The following MOB3B variants were observed in gnomAD, a reference collection of about 807,000 sequenced individuals.
MOB3B encodes MOB kinase activator 3B, also known as MOB kinase activator-like 2B.
Under a neutral mutation model 18.7 loss-of-function variants are expected in MOB3B, and 7 were observed. The observed-to-expected ratio is 0.37, with a 90% CI of 0.21 to 0.70. MOB3B has a LOEUF of 0.70. Ranked by LOEUF, MOB3B falls within the 30% of genes least tolerant of loss-of-function variation. MOB3B has a pLI of 0.52. For synonymous variants in MOB3B, 111 were observed against 99.9 expected, an observed-to-expected ratio of 1.11 and a Z score of -0.66; for missense variants, 253 against 281.3, an observed-to-expected ratio of 0.90 and a Z score of 0.72.
intron 3 of MOB3B, among the ~76,000 whole-genome samples, chr9:27,347,034 TAAAC>T (rs928973056): frequency 1.6e-4 from 25 of 152,246 alleles, no homozygotes; most frequent in Non-Finnish European, 2.6e-4. Flanking sequence ...CTATTAGAAA[TAAAC>T]AAAGTAAAAG....
intron 3 of MOB3B, among the ~76,000 whole-genome samples, chr9:27,344,895 A>G (rs1249946320): frequency 6.6e-6 from 1 of 152,246 alleles, no homozygotes. Context: ...ATAGGCACAT[A>G]CAATAACAAA....
intron 3 of MOB3B, among the ~76,000 whole-genome samples, chr9:27,352,082 C>A (rs1821112768): frequency 6.6e-6 from 1 of 152,118 alleles, no homozygotes; most frequent in African/African-American, 2.4e-5. Flanking sequence ...CCCATCACAT[C>A]TGCTGGAAAT....
intron 2 of MOB3B, among the ~76,000 whole-genome samples, chr9:27,447,316 C>T (rs1293708366): frequency 6.6e-6 from 1 of 152,208 alleles, no homozygotes; most frequent in East Asian, 1.9e-4. Context: ...CCAAGCTCTA[C>T]TGACCTCCAC....
At chr9:27,505,856 G>A (rs1193571849) in intron 1 of MOB3B, among the ~76,000 whole-genome samples, 1 of 152,128 alleles carries the variant, frequency 6.6e-6, no homozygotes, top group Admixed American at 6.5e-5. Context: ...ATTTCCCGTA[G>A]AGCCATTTTT....
At chr9:27,476,295 T>G (rs929066786) in intron 1 of MOB3B, among the ~76,000 whole-genome samples, 4 of 152,248 alleles carry the variant, frequency 2.6e-5, no homozygotes, top group Non-Finnish European at 4.4e-5. Flanking sequence ...AGGTGTTGGC[T>G]GGGCAATGCT....
chr9:27,381,063 G>A (rs1821571137), intron 2 of MOB3B, among the ~76,000 whole-genome samples: 1 of 152,266 alleles, frequency 6.6e-6, no homozygotes, highest in East Asian at 1.9e-4. Flanking sequence ...AGGCTCCTGA[G>A]CTGACAAGAC....
At chr9:27,434,874 AC>A (rs936922123) in intron 2 of MOB3B, among the ~76,000 whole-genome samples, 13 of 151,996 alleles carry the variant, frequency 8.6e-5, no homozygotes, top group African/African-American at 3.1e-4. Flanking sequence ...AGGAAAAACC[AC>A]CCCAAAACAT....
intron 1 of MOB3B, among the ~76,000 whole-genome samples, chr9:27,476,656 T>G (rs536886565): frequency 4.5e-4 from 69 of 152,342 alleles, no homozygotes; most frequent in African/African-American, 1.5e-3. Context: ...CCAAAACAAC[T>G]GCCTTTGCAA....
At chr9:27,434,258 C>A (rs2131425501) in intron 2 of MOB3B, among the ~76,000 whole-genome samples, 1 of 152,226 alleles carries the variant, frequency 6.6e-6, no homozygotes, top group South Asian at 2.1e-4. Flanking sequence ...GTCTTTCCTG[C>A]CCTTGTCTTA....
intron 1 of MOB3B, among the ~76,000 whole-genome samples, chr9:27,514,290 A>T (rs558735250): frequency 4.7e-5 from 7 of 150,158 alleles, no homozygotes; most frequent in African/African-American, 1.5e-4. Flanking sequence ...CAATTTATGA[A>T]GAAGCTCTTT....
chr9:27,365,006 T>G (rs892790637), intron 2 of MOB3B, among the ~76,000 whole-genome samples: 2 of 152,146 alleles, frequency 1.3e-5, no homozygotes. Flanking sequence ...CTGTAAGTTC[T>G]CTGAACAAAG....
chr9:27,419,466 C>A (rs1822207229), intron 2 of MOB3B, among the ~76,000 whole-genome samples: 1 of 152,086 alleles, frequency 6.6e-6, no homozygotes. Context: ...GCACATACAC[C>A]AATGGAACAG....
At chr9:27,528,303 G>T (rs530672051) in intron 1 of MOB3B, among the ~76,000 whole-genome samples, 103 of 152,302 alleles carry the variant, frequency 6.8e-4, no homozygotes, top group Non-Finnish European at 1.0e-3. Flanking sequence ...CCCTAGCAGC[G>T]GCCCAGCCCC....
chr9:27,384,262 CT>C (rs967021686), intron 2 of MOB3B, among the ~76,000 whole-genome samples: 43 of 151,436 alleles, frequency 2.8e-4, no homozygotes, highest in East Asian at 2.3e-3. Context: ...AGTTCATACA[CT>C]TTTTTTTTAA....
intron 1 of MOB3B, among the ~76,000 whole-genome samples, chr9:27,478,519 A>G (rs1224823189): frequency 3.3e-5 from 5 of 152,190 alleles, no homozygotes; most frequent in Non-Finnish European, 7.3e-5. Flanking sequence ...AACATGTTAA[A>G]TTGCATATTA....
intron 2 of MOB3B, among the ~76,000 whole-genome samples, chr9:27,425,387 A>C (rs867768879): frequency 3.3e-5 from 5 of 151,164 alleles, no homozygotes; most frequent in South Asian, 4.2e-4. Flanking sequence ...AAAAAAAAAA[A>C]AACAAAACAA....
chr9:27,518,694 C>T (rs894003802), intron 1 of MOB3B, among the ~76,000 whole-genome samples: 1 of 152,098 alleles, frequency 6.6e-6, no homozygotes, highest in African/African-American at 2.4e-5. Context: ...GTCCAAAGAG[C>T]CCCTCTAAGG....
At chr9:27,416,450 A>G (rs553096746) in intron 2 of MOB3B, among the ~76,000 whole-genome samples, 2 of 152,246 alleles carry the variant, frequency 1.3e-5, no homozygotes, top group South Asian at 4.2e-4. Flanking sequence ...GACAACCTGA[A>G]AAAGCTATAG....
At chr9:27,382,309 C>T (rs1034042830) in intron 2 of MOB3B, among the ~76,000 whole-genome samples, 2 of 152,174 alleles carry the variant, frequency 1.3e-5, no homozygotes, top group Non-Finnish European at 2.9e-5. Flanking sequence ...ACCACTGCTT[C>T]AGATATCAGA....
Sources: gnomAD v4.1 joint callset for allele counts (sites outside exome capture counted in the v4.1 genomes callset) on GRCh38, gnomAD v4.1.1 for gene constraint, MANE v1.5 for transcripts, NCBI Gene and HGNC (gene_info 2026-07-23, HGNC 2026-07-21) for gene names.